The following WDFY4 variants were observed in gnomAD, a reference collection of about 807,000 sequenced individuals.
WDFY4 encodes WD repeat- and FYVE domain-containing protein 4.
WDFY4 carries 169 observed loss-of-function variants against 351.9 expected under a neutral mutation model. That is an observed-to-expected ratio of 0.48 (90% CI 0.42 to 0.55). The LOEUF (loss-of-function observed/expected upper bound fraction) is 0.55, where lower values mean the gene tolerates loss of function less well. Among genes scored for constraint, WDFY4 ranks in the 20% least tolerant of loss-of-function variants. The pLI is 0.00. For synonymous variants in WDFY4, 1,622 were observed against 1,574.6 expected (o/e 1.03, Z -0.71); for missense variants, 3,803 against 3,935.6 (o/e 0.97, Z 0.90).
Position 48,786,776 on chromosome 10 carries a change from C to A in WDFY4, c.3714C>A (p.Tyr1238Ter). The change falls in exon 20 of 62, where the codon TAC becomes TAA. Residue 1238 changes from tyrosine (Y) to a stop codon, truncating the protein, a stop_gained. Coordinates refer to ENST00000325239, the MANE Select transcript of WDFY4 (RefSeq NM_001394531.1). LOFTEE classifies it high-confidence loss of function. The stretch of plus-strand genomic sequence containing the variant: ...TAATCTGGCGTCTTGGCCCCACATA[C>A]CTCTTTGAAGAAGCCATTTCAATGG... Reference protein sequence around the residue: ...SSLIWRLGPTYLFEEAISMET... With the variant: ...SSLIWRLGPT 1 of 1,552,348 alleles carries A rather than the reference C, an allele frequency of 6.4e-7. No homozygotes were observed. Among genetic ancestry groups the A allele is most frequent in the Non-Finnish European group, 8.7e-7 (1 of 1,147,140 alleles).
chr10:48,916,075 T>C (rs1195711614), intron 47 of WDFY4, among the ~76,000 whole-genome samples: 1 of 152,212 alleles, frequency 6.6e-6, no homozygotes, highest in Non-Finnish European at 1.5e-5. Flanking sequence ...TTGGGCAGAA[T>C]GCACAGAGAA....
intron 39 of WDFY4, among the ~76,000 whole-genome samples, chr10:48,865,153 T>C (rs2069497276): frequency 6.6e-6 from 1 of 152,210 alleles, no homozygotes; most frequent in Non-Finnish European, 1.5e-5. Flanking sequence ...TTAAGGAACA[T>C]TCAGTCCTTC....
At chr10:48,971,509 ATT>A (rs1490106624) in intron 57 of WDFY4, among the ~76,000 whole-genome samples, 1 of 151,902 alleles carries the variant, frequency 6.6e-6, no homozygotes, top group African/African-American at 2.4e-5. Context: ...AAAAAAAAAA[ATT>A]CACCACTGAC....
Position 48,823,536 on chromosome 10 carries a change from G to A in WDFY4, c.5982+999G>A, listed in dbSNP as rs1416830157. The A allele has an allele frequency of 7.0e-5, 76 of 1,092,238 alleles. No individual in the cohort carries two copies. In the South Asian group the frequency reaches 1.9e-3, roughly 27 times the overall value. 67.7% of individuals were successfully genotyped at this position (1,092,238 alleles called of 1,614,324 possible). A position where few individuals can be genotyped will look rare whatever the true frequency, so the allele number is the denominator to read the frequency against. The stretch of plus-strand genomic sequence containing the variant: ...AGAGCCATCTTCACTTGTCTGATGA[G>A]CAGGTCCAAGCAAACCTGGAAAGAC... On this transcript the variant is annotated intron_variant, in intron 35 of 61. Coordinates refer to ENST00000325239, the MANE Select transcript of WDFY4 (RefSeq NM_001394531.1).
At position 48,799,773 on chromosome 10, in the gene WDFY4, C is replaced by T. The variant is rs2066998476; in HGVS notation, c.4410+3323C>T. Among the ~76,000 whole-genome samples, 3 of 151,996 alleles carry T rather than the reference C, an allele frequency of 2.0e-5. No homozygotes were observed. The South Asian group carries it at 6.2e-4, about 32-fold the overall frequency. ...GGGCGACAAGAGCGAGACTTCGTCTCAAACAAACAAACAAAGAATTAAGGG... is the reference window on the plus strand; with the variant it reads ...GGGCGACAAGAGCGAGACTTCGTCTTAAACAAACAAACAAAGAATTAAGGG... On this transcript the variant is annotated intron_variant, in intron 24 of 61. Coordinates refer to ENST00000325239, the MANE Select transcript of WDFY4 (RefSeq NM_001394531.1).
chr10:48,904,395 T>C (rs1837510518), intron 47 of WDFY4, among the ~76,000 whole-genome samples: 1 of 152,240 alleles, frequency 6.6e-6, no homozygotes. Context: ...CATACTTGGA[T>C]TTCTCAGCAC....
At chr10:48,815,374 T>C (rs551968559) in intron 31 of WDFY4, among the ~76,000 whole-genome samples, 1 of 152,360 alleles carries the variant, frequency 6.6e-6, no homozygotes, top group East Asian at 1.9e-4. Flanking sequence ...GTCAATTGCC[T>C]GATTATATCT....
Position 48,811,663 on chromosome 10 carries a change from C to T in WDFY4, c.5169C>T (p.Thr1723=), listed in dbSNP as rs1306686822. Residue 1723 remains threonine, a synonymous_variant, in exon 30 of 62, where the codon ACC becomes ACT. Coordinates refer to ENST00000325239, the MANE Select transcript of WDFY4 (RefSeq NM_001394531.1). The part of the protein sequence containing the change: ...HIPEVYLIVS[T]FFLQTPLTEL... Reference sequence around the variant, plus strand: ...CAGAGGTCTACCTCATCGTCTCCACCTTCTTCCTGCAGACACCACTCACAG... The same window carrying T: ...CAGAGGTCTACCTCATCGTCTCCACTTTCTTCCTGCAGACACCACTCACAG... The T allele has an allele frequency of 1.3e-6, 2 of 1,551,708 alleles. No individual in the cohort carries two copies. Among genetic ancestry groups the T allele is most frequent in the Non-Finnish European group, 1.7e-6 (2 of 1,147,044 alleles).
At chr10:48,866,737 G>A (rs947586937) in intron 39 of WDFY4, among the ~76,000 whole-genome samples, 8 of 152,152 alleles carry the variant, frequency 5.3e-5, no homozygotes, top group African/African-American at 1.9e-4. Context: ...AGTTGGAGAT[G>A]GAAGCAACCC....
chr10:48,718,827 A>G (rs1041305363), intron 2 of WDFY4, among the ~76,000 whole-genome samples: 3 of 152,266 alleles, frequency 2.0e-5, no homozygotes, highest in Non-Finnish European at 4.4e-5. Flanking sequence ...GGGCTGCTAC[A>G]GAAATAGGGA....
chr10:48,892,959 A>C (rs374852975), intron 44 of WDFY4, among the ~76,000 whole-genome samples: 1 of 152,216 alleles, frequency 6.6e-6, no homozygotes, highest in East Asian at 1.9e-4. Flanking sequence ...GGCAGTCAAA[A>C]ACTGGGTGGC....
At chr10:48,906,570 T>C (rs1311921849) in intron 47 of WDFY4, among the ~76,000 whole-genome samples, 1 of 152,126 alleles carries the variant, frequency 6.6e-6, no homozygotes. Flanking sequence ...GTTGGATGAG[T>C]CCTGCTCTGT....
At chr10:48,882,409 G>A (rs985636125) in intron 43 of WDFY4, among the ~76,000 whole-genome samples, 1 of 152,206 alleles carries the variant, frequency 6.6e-6, no homozygotes, top group Non-Finnish European at 1.5e-5. Context: ...ACAGCTAGAT[G>A]TCAGAAGCCC....
intron 27 of WDFY4, among the ~76,000 whole-genome samples, chr10:48,806,752 G>A (rs974939857): frequency 1.3e-5 from 2 of 152,308 alleles, no homozygotes; most frequent in East Asian, 1.9e-4. Flanking sequence ...TGGGCCCTGC[G>A]GCTCTGCACT....
intron 44 of WDFY4, among the ~76,000 whole-genome samples, chr10:48,893,178 C>T (rs1205424865): frequency 6.6e-6 from 1 of 152,234 alleles, no homozygotes; most frequent in African/African-American, 2.4e-5. Flanking sequence ...ACCTGGTCAT[C>T]TTGTCCCTGT....
rs913060657 is a variant in WDFY4, at chr10:48,778,796, G to A, written c.3361G>A (p.Val1121Ile). 31 of 1,551,320 alleles carry A rather than the reference G, an allele frequency of 2.0e-5. No homozygotes were observed. The highest frequency in any genetic ancestry group is 2.6e-5 in the Non-Finnish European group (30 of 1,147,050). Residue 1121 changes from valine to isoleucine, a missense_variant, in exon 18 of 62, where the codon GTT becomes ATT. Val to Ile is a conservative substitution (Grantham distance 29). Coordinates refer to ENST00000325239, the MANE Select transcript of WDFY4 (RefSeq NM_001394531.1). ...CCTCTGCCCAGACGACCTCTCCTTG[G>A]TTGTTTCTACAGAAGAGAAGGAGTT... is the stretch of plus-strand genomic sequence containing the variant. ...VSLCPDDLSLVVSTEEKEFQP... is the reference protein window; with the variant it reads ...VSLCPDDLSLIVSTEEKEFQP...
intron 47 of WDFY4, among the ~76,000 whole-genome samples, chr10:48,930,688 TA>T (rs778704439): frequency 5.3e-5 from 8 of 151,208 alleles, no homozygotes; most frequent in South Asian, 2.1e-4. Flanking sequence ...TTTAAAATAG[TA>T]AAAAAAAATT....
chr10:48,781,228 ATGTG>A (rs755015358), intron 19 of WDFY4, among the ~76,000 whole-genome samples: 2 of 149,420 alleles, frequency 1.3e-5, no homozygotes, highest in African/African-American at 4.9e-5. Context: ...ATATATATAT[ATGTG>A]TGTGTGTGTG....
At chr10:48,854,314 G>C (rs2133191875) in intron 39 of WDFY4, among the ~76,000 whole-genome samples, 1 of 152,096 alleles carries the variant, frequency 6.6e-6, no homozygotes, top group Admixed American at 6.5e-5. Flanking sequence ...TTGCCTTGTT[G>C]CCCAGGCTGG....
Sources: allele counts gnomAD v4.1 joint callset (sites outside exome capture counted in the v4.1 genomes callset), GRCh38; gene constraint gnomAD v4.1.1; transcripts MANE v1.5; gene names NCBI Gene and HGNC (gene_info 2026-07-23, HGNC 2026-07-21).